PCDHGA11: variants seen among roughly 807,000 people sequenced by gnomAD.
PCDHGA11 encodes the protein protocadherin gamma subfamily A, 11.
PCDHGA11 carries 39 observed loss-of-function variants against 60.4 expected under a neutral mutation model. The ratio of observed to expected loss-of-function variants is 0.65; its 90% CI spans 0.50 to 0.84. The LOEUF (loss-of-function observed/expected upper bound fraction) is 0.84, where lower values mean the gene tolerates loss of function less well. Ranked by LOEUF, PCDHGA11 falls within the 40% of genes least tolerant of loss-of-function variation. PCDHGA11 has a pLI of 0.00. For synonymous variants in PCDHGA11, 533 were observed against 510.3 expected (o/e 1.04, Z -0.60); for missense variants, 1,165 against 1,197.7 (o/e 0.97, Z 0.40).
chr5:141,497,689 A>G (rs951295378), intron 2 of PCDHGA11, among the ~76,000 whole-genome samples: 1 of 151,958 alleles, frequency 6.6e-6, no homozygotes, highest in African/African-American at 2.4e-5. Flanking sequence ...GCAGGTGTGC[A>G]CCACCACACC....
In PCDHGA11 at chr5:141,477,718, A is replaced by G; in HGVS notation, c.2434-17089A>G. 6.2e-7 allele frequency: 1 copy of G among 1,613,928 alleles called. No homozygotes were observed. The highest frequency in any genetic ancestry group is 8.5e-7 in the Non-Finnish European group (1 of 1,180,034). On this transcript the variant is annotated intron_variant, in intron 1 of 3. Coordinates refer to ENST00000398587, the MANE Select transcript of PCDHGA11 (RefSeq NM_018914.3). The surrounding 1 kb of genome is among the most constrained non-coding windows in gnomAD (Gnocchi z 4.9). ...ACTATGAGGATCGGCGGGAATTTGA[A>G]TTAACAGCTCATATCAGCGATGGGG...
chr5:141,432,173 GTC>G lies in PCDHGA11; in HGVS notation c.2433+8517_2433+8518del. 6.2e-7 allele frequency: 1 copy of G among 1,614,054 alleles called. No individual in the cohort carries two copies. Among genetic ancestry groups the G allele is most frequent in the Non-Finnish European group, 8.5e-7 (1 of 1,180,018 alleles). Reference sequence around the variant, plus strand: ...GAACAATCCCAGAGGAGTTTCCCTCGTCTCTGTGACCGCCCACGACCCCGACT... The same window carrying G: ...GAACAATCCCAGAGGAGTTTCCCTCGTCTGTGACCGCCCACGACCCCGACT... On this transcript the variant is annotated intron_variant, in intron 1 of 3. Coordinates refer to ENST00000398587, the MANE Select transcript of PCDHGA11 (RefSeq NM_018914.3). This position sits in a 1 kb window ranked among gnomAD's most constrained non-coding sequence, Gnocchi z 6.0.
chr5:141,456,324 G>T (rs757059960), intron 1 of PCDHGA11, among the ~76,000 whole-genome samples: 15 of 152,166 alleles, frequency 9.9e-5, no homozygotes, highest in Non-Finnish European at 2.9e-5. Context: ...TCCTCCTGGG[G>T]TTGATCTAAG....
Position 141,422,901 on chromosome 5 carries a change from C to T in PCDHGA11, c.1674C>T (p.Asp558=), listed in dbSNP as rs768086403. The T allele has an allele frequency of 3.1e-6, 5 of 1,614,276 alleles. No homozygotes were observed. The highest frequency in any genetic ancestry group is 4.2e-6 in the Non-Finnish European group (5 of 1,180,050). Residue 558 remains aspartate (D), a synonymous_variant, in exon 1 of 4, where the codon GAC becomes GAT. Transcript: ENST00000398587. ...SLSLFVLDQN[D]NAPEILYPAL... is the part of the protein sequence containing the mutation. The stretch of plus-strand genomic sequence containing the variant: ...GCCTGTTCGTGCTGGACCAGAACGA[C>T]AATGCGCCCGAGATCCTGTACCCTG...
chr5:141,510,995 G>T lies in PCDHGA11; in HGVS notation c.2630G>T (p.Gly877Val). ...STLGGGAGTM[G>V]LSARYGPQFT... is the part of the protein sequence containing the mutation. ...CTGGGAGGGGGTGCCGGCACCATGG[G>T]ATTGAGCGCCCGCTACGGACCCCAG... is the stretch of plus-strand genomic sequence containing the variant. Residue 877 changes from glycine to valine, a missense_variant, in exon 4 of 4, where the codon GGA becomes GTA. Physicochemically the swap from Gly to Val is moderately radical, Grantham distance 109. Coordinates refer to ENST00000398587, the MANE Select transcript of PCDHGA11 (RefSeq NM_018914.3). The T allele has an allele frequency of 6.2e-7, 1 of 1,614,172 alleles. No individual in the cohort carries two copies. Among genetic ancestry groups the T allele is most frequent in the Non-Finnish European group, 8.5e-7 (1 of 1,180,018 alleles).
rs777761385 is a variant in PCDHGA11 at position 141,489,558 on chromosome 5, G to T, written c.2434-5249G>T. 1.1e-5 allele frequency: 17 copies of T among 1,614,130 alleles called. No homozygotes were observed. In the South Asian group the frequency reaches 1.8e-4, roughly 17 times the overall value. On this transcript the variant is annotated intron_variant, in intron 1 of 3. Coordinates refer to ENST00000398587, the MANE Select transcript of PCDHGA11 (RefSeq NM_018914.3). The surrounding 1 kb of genome is among the most constrained non-coding windows in gnomAD (Gnocchi z 4.5). Reference sequence around the variant, plus strand: ...CCAGCACCAGCTGCCTGCTGCCAGTGCAGGTGGTGACTGAACACCCCCTGG... The same window carrying T: ...CCAGCACCAGCTGCCTGCTGCCAGTTCAGGTGGTGACTGAACACCCCCTGG...
rs558972594 is a variant in PCDHGA11 at position 141,485,292 on chromosome 5, A to G, written c.2434-9515A>G. ...CGCTACCCGGTCCCAGAGGAGTCAC[A>G]GGAAGGGACTTTTGTAGGGAATGTC... On this transcript the variant is annotated intron_variant, in intron 1 of 3. Coordinates refer to ENST00000398587, the MANE Select transcript of PCDHGA11 (RefSeq NM_018914.3). The surrounding 1 kb of genome is among the most constrained non-coding windows in gnomAD (Gnocchi z 5.7). 1 of 1,614,120 alleles carries G rather than the reference A, an allele frequency of 6.2e-7. No individual in the cohort carries two copies. Among genetic ancestry groups the G allele is most frequent in the African/African-American group, 1.3e-5 (1 of 75,058 alleles).
In PCDHGA11 at chr5:141,485,624, C is replaced by T; in HGVS notation, c.2434-9183C>T. 1 of 1,611,640 alleles carries T rather than the reference C, an allele frequency of 6.2e-7. No homozygotes were observed. The highest frequency in any genetic ancestry group is 1.1e-5 in the South Asian group (1 of 90,868). The stretch of plus-strand genomic sequence containing the variant: ...TGGGGAGGCAGCTCCTCCAGGACAG[C>T]GTTTCCCGTTGGAAAAGGCTCAGGA... On this transcript the variant is annotated intron_variant, in intron 1 of 3. Transcript: ENST00000398587. This position sits in a 1 kb window ranked among gnomAD's most constrained non-coding sequence, Gnocchi z 5.7.
intron 2 of PCDHGA11, among the ~76,000 whole-genome samples, chr5:141,495,521 C>G (rs1385879589): frequency 6.6e-6 from 1 of 152,144 alleles, no homozygotes; most frequent in Non-Finnish European, 1.5e-5. Flanking sequence ...TTTCTCTTAC[C>G]TCTCAGTCCT....
Position 141,429,458 on chromosome 5 carries a change from T to C in PCDHGA11, c.2433+5798T>C, listed in dbSNP as rs561407449. 1.6e-4 allele frequency among the ~76,000 whole-genome samples: 25 copies of C among 152,210 alleles called. 1 individual carries two copies. The South Asian group carries it at 4.6e-3, about 28-fold the overall frequency. ...TCAAACTCTTGGGCTACAGTAATCC[T>C]CCCACCTCAATCTCCAGAGTAGCTG... On this transcript the variant is annotated intron_variant, in intron 1 of 3. Transcript: ENST00000398587.
chr5:141,485,431 C>G lies in PCDHGA11; in HGVS notation c.2434-9376C>G, dbSNP rs1594481071. ...ATTTGGACAGCGGAGCCCTGCTCAT[C>G]AAGAACCCAATCGACCGAGAGGCAC... On this transcript the variant is annotated intron_variant, in intron 1 of 3. Coordinates refer to ENST00000398587, the MANE Select transcript of PCDHGA11 (RefSeq NM_018914.3). The surrounding 1 kb of genome is among the most constrained non-coding windows in gnomAD (Gnocchi z 5.7). 8.7e-6 allele frequency: 14 copies of G among 1,614,198 alleles called. No homozygotes were observed. Among genetic ancestry groups the G allele is most frequent in the Non-Finnish European group, 1.1e-5 (13 of 1,180,038 alleles).
At position 141,431,277 on chromosome 5, in the gene PCDHGA11, G is replaced by T; in HGVS notation, c.2433+7617G>T. 6.2e-7 allele frequency: 1 copy of T among 1,614,160 alleles called. No homozygotes were observed. The highest frequency in any genetic ancestry group is 1.3e-5 in the African/African-American group (1 of 75,062). On this transcript the variant is annotated intron_variant, in intron 1 of 3. Transcript: ENST00000398587. This position sits in a 1 kb window ranked among gnomAD's most constrained non-coding sequence, Gnocchi z 4.8. ...AACTCTCTGCAGAGCTACGAGCTCAGCCCGAACACTCACTTCTCCCTCATC... is the reference window on the plus strand; with the variant it reads ...AACTCTCTGCAGAGCTACGAGCTCATCCCGAACACTCACTTCTCCCTCATC...
intron 1 of PCDHGA11, among the ~76,000 whole-genome samples, chr5:141,467,571 A>T (rs1228156610): frequency 6.6e-6 from 1 of 152,212 alleles, no homozygotes; most frequent in African/African-American, 2.4e-5. Context: ...ATGGCTATCC[A>T]GTTGTCCCAA....
chr5:141,499,485 A>G (rs1278629076), intron 2 of PCDHGA11, among the ~76,000 whole-genome samples: 2 of 152,226 alleles, frequency 1.3e-5, no homozygotes, highest in Non-Finnish European at 2.9e-5. Flanking sequence ...ACCACCAACT[A>G]CAGTTTAATA....
At chr5:141,460,214 G>A (rs925628892) in intron 1 of PCDHGA11, among the ~76,000 whole-genome samples, 2 of 151,896 alleles carry the variant, frequency 1.3e-5, no homozygotes, top group Admixed American at 6.6e-5. Flanking sequence ...CATTTTCTTA[G>A]TTGTGTCTTT....
chr5:141,479,676 G>A (rs2099503035), intron 1 of PCDHGA11: 1 of 152,242 alleles, frequency 6.6e-6, no homozygotes, highest in African/African-American at 2.4e-5. Context: ...CAAAAGGAGA[G>A]TCTTTTTGGT....
Position 141,444,152 on chromosome 5 carries a change from ATTTTTTTTTTTTTTTTT to A in PCDHGA11, c.2433+20512_2433+20528del, listed in dbSNP as rs747671382. Among the ~76,000 whole-genome samples, 167 of 33,906 alleles carry A rather than the reference ATTTTTTTTTTTTTTTTT, an allele frequency of 4.9e-3. 1 individual carries two copies. The highest frequency in any genetic ancestry group is 7.0e-3 in the Non-Finnish European group (136 of 19,318). The allele number at this position is 33,906 out of a possible 152,430, so 22.2% of individuals were successfully genotyped here. A position where few individuals can be genotyped will look rare whatever the true frequency, so the allele number is the denominator to read the frequency against. On this transcript the variant is annotated intron_variant, in intron 1 of 3. Coordinates refer to ENST00000398587, the MANE Select transcript of PCDHGA11 (RefSeq NM_018914.3). ...GATATGTGTCACTTGTGTGTACTGG[ATTTTTTTTTTTTTTTTT>A]TTTTTTTTTTTTTTTTTTTGAGATG...
chr5:141,434,026 A>G (rs2154556044), intron 1 of PCDHGA11, among the ~76,000 whole-genome samples: 1 of 152,236 alleles, frequency 6.6e-6, no homozygotes, highest in Admixed American at 6.5e-5. Flanking sequence ...TGATTCTGGA[A>G]GCATGGTTTT....
intron 1 of PCDHGA11, among the ~76,000 whole-genome samples, chr5:141,430,329 T>G (rs1466381565): frequency 1.3e-5 from 2 of 151,776 alleles, no homozygotes; most frequent in Non-Finnish European, 2.9e-5. Flanking sequence ...AATCATTGTT[T>G]ATAGAAACTT....
Sources: gnomAD v4.1 joint callset for allele counts (sites outside exome capture counted in the v4.1 genomes callset) on GRCh38, gnomAD v4.1.1 for gene constraint, Gnocchi (gnomAD v3.1) non-coding constraint, MANE v1.5 for transcripts, NCBI Gene and HGNC (gene_info 2026-07-23, HGNC 2026-07-21) for gene names.